The following SDK1 variants were observed in gnomAD, a reference collection of about 807,000 sequenced individuals.
SDK1 encodes the protein protein sidekick-1.
Under a neutral mutation model 245.5 loss-of-function variants are expected in SDK1, and 157 were observed. The observed-to-expected ratio is 0.64, with a 90% CI of 0.56 to 0.73. The LOEUF is 0.73. SDK1 is among the 30% of genes least tolerant of loss of function. The pLI, the probability that SDK1 is intolerant of heterozygous loss-of-function variation, is 0.00. For missense variants in SDK1, 3,583 were observed against 3,002.3 expected (o/e 1.19, Z -4.52); for synonymous variants, 1,647 against 1,278.5 (o/e 1.29, Z -6.15).
chr7:3,632,460 A>G (rs1782324560), intron 2 of SDK1, among the ~76,000 whole-genome samples: 1 of 152,178 alleles, frequency 6.6e-6, no homozygotes, highest in Admixed American at 6.5e-5. Context: ...GCATCAATAA[A>G]AAGTTATCGA....
chr7:3,995,897 A>G (rs146091532), intron 14 of SDK1, among the ~76,000 whole-genome samples: 3,530 of 151,744 alleles, frequency 0.023, 130 homozygotes, highest in African/African-American at 0.074. Context: ...TTACTTTCTG[A>G]CATACAGAAG....
chr7:3,556,269 A>G (rs962105605), intron 1 of SDK1, among the ~76,000 whole-genome samples: 5 of 152,010 alleles, frequency 3.3e-5, no homozygotes, highest in Non-Finnish European at 7.4e-5. Flanking sequence ...TTGCAACAAC[A>G]CTCGTTTTGT....
chr7:4,190,368 A>G lies in SDK1; in HGVS notation c.5098+11782A>G, dbSNP rs138872452. 2.4e-3 allele frequency among the ~76,000 whole-genome samples: 361 copies of G among 152,332 alleles called. 1 individual carries two copies. The highest frequency in any genetic ancestry group is 7.8e-3 in the African/African-American group (323 of 41,572). ...TGGATGATGGATAAACATCTGCCGA[A>G]AGCCTACTGTGCTGGTCACAGATGG... On this transcript the variant is annotated intron_variant, in intron 35 of 44. Coordinates refer to ENST00000404826, the MANE Select transcript of SDK1 (RefSeq NM_152744.4).
At chr7:3,507,934 T>A (rs537446491) in intron 1 of SDK1, among the ~76,000 whole-genome samples, 21 of 152,318 alleles carry the variant, frequency 1.4e-4, no homozygotes, top group African/African-American at 5.1e-4. Context: ...CCTATCTCGG[T>A]CTTAATCTCA....
chr7:4,168,384 T>G (rs1159363075), intron 32 of SDK1, among the ~76,000 whole-genome samples: 1 of 152,238 alleles, frequency 6.6e-6, no homozygotes, highest in Non-Finnish European at 1.5e-5. Context: ...TGGCCATTTC[T>G]TATAGCTCTA....
At chr7:4,139,911 G>C (rs1779458422) in intron 28 of SDK1, among the ~76,000 whole-genome samples, 1 of 152,136 alleles carries the variant, frequency 6.6e-6, no homozygotes, top group African/African-American at 2.4e-5. Context: ...CCATCGATGG[G>C]AACGATCTGG....
intron 5 of SDK1, among the ~76,000 whole-genome samples, chr7:3,876,910 T>C (rs1781090491): frequency 6.6e-6 from 1 of 152,238 alleles, no homozygotes; most frequent in Non-Finnish European, 1.5e-5. Context: ...TCCATTTTAA[T>C]AGGGATTTTC....
At chr7:3,385,517 C>T (rs533267160) in intron 1 of SDK1, among the ~76,000 whole-genome samples, 1 of 152,022 alleles carries the variant, frequency 6.6e-6, no homozygotes, top group African/African-American at 2.4e-5. Flanking sequence ...TAAAAAAACT[C>T]CAGAATCTTC....
chr7:3,851,900 A>G (rs1780428363), intron 5 of SDK1, among the ~76,000 whole-genome samples: 1 of 152,238 alleles, frequency 6.6e-6, no homozygotes, highest in African/African-American at 2.4e-5. Context: ...TACCCCTGAC[A>G]GATTTTGACA....
intron 32 of SDK1, among the ~76,000 whole-genome samples, chr7:4,166,501 G>A (rs577234010): frequency 3.2e-4 from 48 of 152,338 alleles, no homozygotes; most frequent in African/African-American, 9.4e-4. Flanking sequence ...CGTGGCCCCC[G>A]GCACAGCCTG....
At chr7:4,193,397 T>TATATATATATATAA (rs1491542284) in intron 35 of SDK1, among the ~76,000 whole-genome samples, 7 of 64,224 alleles carry the variant, frequency 1.1e-4, no homozygotes, top group African/African-American at 4.3e-4. Flanking sequence ...TATATATATA[T>TATATATATATATAA]AAAGGGGAGT....
At chr7:4,256,433 C>A (rs149073036) in intron 44 of SDK1, among the ~76,000 whole-genome samples, 15 of 152,238 alleles carry the variant, frequency 9.9e-5, no homozygotes, top group African/African-American at 3.6e-4. Flanking sequence ...AATCCAGTCC[C>A]AGAACTGCAG....
At chr7:3,489,432 C>G (rs193190311) in intron 1 of SDK1, among the ~76,000 whole-genome samples, 3 of 152,232 alleles carry the variant, frequency 2.0e-5, no homozygotes, top group Admixed American at 6.5e-5. Flanking sequence ...AAATTCTACT[C>G]CTGTTAGTAT....
At chr7:3,573,836 C>A (rs543947797) in intron 1 of SDK1, among the ~76,000 whole-genome samples, 1 of 152,036 alleles carries the variant, frequency 6.6e-6, no homozygotes, top group South Asian at 2.1e-4. Flanking sequence ...CTTCTGTTTT[C>A]CATTTTCTCC....
intron 19 of SDK1, 63 bp downstream of exon 19, chr7:4,051,893 T>TTG: frequency 3.4e-6 from 5 of 1,467,714 alleles, no homozygotes; most frequent in Non-Finnish European, 4.6e-6. Flanking sequence ...CCGCTGCAAC[T>TTG]TCCAGAATCA....
intron 7 of SDK1, among the ~76,000 whole-genome samples, chr7:3,952,974 G>A (rs1029917704): frequency 6.6e-6 from 1 of 152,116 alleles, no homozygotes; most frequent in African/African-American, 2.4e-5. Flanking sequence ...ATGACTATGA[G>A]AGCAGCCTGT....
intron 4 of SDK1, among the ~76,000 whole-genome samples, chr7:3,762,597 G>C (rs1181893666): frequency 6.6e-6 from 1 of 152,174 alleles, no homozygotes; most frequent in Non-Finnish European, 1.5e-5. Flanking sequence ...CTCCATTTCA[G>C]CAATGCCCTT....
In SDK1 at chr7:3,546,084, C is replaced by G. The variant is rs553797696; in HGVS notation, c.299-72996C>G. 8.7e-4 allele frequency among the ~76,000 whole-genome samples: 132 copies of G among 152,320 alleles called. 1 individual carries two copies. The South Asian group carries it at 0.013, about 16-fold the overall frequency. On this transcript the variant is annotated intron_variant, in intron 1 of 44. Coordinates refer to ENST00000404826, the MANE Select transcript of SDK1 (RefSeq NM_152744.4). Reference sequence around the variant, plus strand: ...ATCGTTGGGATGCAAAACAGTGGTTCTCAAGCTTCAGAGTGCCTCAGGGTT... The same window carrying G: ...ATCGTTGGGATGCAAAACAGTGGTTGTCAAGCTTCAGAGTGCCTCAGGGTT...
At position 3,402,573 on chromosome 7, in the gene SDK1, A is replaced by G. The variant is rs557448117; in HGVS notation, c.298+100689A>G. The stretch of plus-strand genomic sequence containing the variant: ...TACACAAAGCACAATTAAATTTCCC[A>G]AGTGAAATAAGAATGTGCATTGTGA... On this transcript the variant is annotated intron_variant, in intron 1 of 44. Transcript: ENST00000404826. 2.0e-5 allele frequency among the ~76,000 whole-genome samples: 3 copies of G among 152,342 alleles called. No individual in the cohort carries two copies. In the East Asian group the frequency reaches 5.8e-4, roughly 29 times the overall value.
Sources: gnomAD v4.1 joint callset for allele counts (sites outside exome capture counted in the v4.1 genomes callset) on GRCh38, gnomAD v4.1.1 for gene constraint, MANE v1.5 for transcripts, NCBI Gene and HGNC (gene_info 2026-07-23, HGNC 2026-07-21) for gene names.